Variants in GALNT13 observed in about 807,000 individuals in gnomAD.
GALNT13 encodes the protein polypeptide N-acetylgalactosaminyltransferase 13.
GALNT13 carries 28 observed loss-of-function variants against 64.2 expected under a neutral mutation model. The ratio of observed to expected loss-of-function variants is 0.44; its 90% CI spans 0.32 to 0.60. The LOEUF (loss-of-function observed/expected upper bound fraction) is 0.60. Ranked by LOEUF, GALNT13 falls within the 20% of genes least tolerant of loss-of-function variation. The pLI is 0.05. For synonymous variants in GALNT13, 214 were observed against 224.6 expected (o/e 0.95, Z 0.42); for missense variants, 577 against 669.8 (o/e 0.86, Z 1.53).
At chr2:153,239,944 G>T in the GALNT13 span, among the ~76,000 whole-genome samples, 1 of 152,108 alleles carries the variant, frequency 6.6e-6, no homozygotes, top group Non-Finnish European at 1.5e-5. Flanking sequence ...AAGCCTTCAG[G>T]TCTGTGGCTT....
the GALNT13 span, among the ~76,000 whole-genome samples, chr2:153,103,205 T>G: frequency 1.3e-5 from 2 of 152,220 alleles, no homozygotes; most frequent in African/African-American, 4.8e-5. Flanking sequence ...CACTTGCCAC[T>G]GTCTACCCCA....
At chr2:153,126,333 TATATA>T in the GALNT13 span, among the ~76,000 whole-genome samples, 13 of 48,250 alleles carry the variant, frequency 2.7e-4, no homozygotes, top group African/African-American at 8.0e-4. Context: ...TATATATATA[TATATA>T]TATATATATG....
the GALNT13 span, among the ~76,000 whole-genome samples, chr2:153,233,675 A>G: frequency 6.6e-6 from 1 of 152,122 alleles, no homozygotes; most frequent in African/African-American, 2.4e-5. Flanking sequence ...GGGGCAAATA[A>G]TATATTTACA....
chr2:154,360,279 T>C (rs945061287), intron 9 of GALNT13, among the ~76,000 whole-genome samples: 2 of 152,158 alleles, frequency 1.3e-5, no homozygotes, highest in Admixed American at 6.6e-5. Context: ...TGTTTACTGC[T>C]GTTGCTTACA....
the GALNT13 span, among the ~76,000 whole-genome samples, chr2:153,078,721 A>C: frequency 6.6e-6 from 1 of 152,108 alleles, no homozygotes; most frequent in Non-Finnish European, 1.5e-5. Flanking sequence ...TTCATTAGGA[A>C]GATCTCTAGT....
chr2:153,547,700 G>C, the GALNT13 span, among the ~76,000 whole-genome samples: 1 of 152,134 alleles, frequency 6.6e-6, no homozygotes, highest in Non-Finnish European at 1.5e-5. Flanking sequence ...AAATTATATA[G>C]AGTAGATCTT....
At chr2:153,322,220 G>GT in the GALNT13 span, among the ~76,000 whole-genome samples, 1 of 152,014 alleles carries the variant, frequency 6.6e-6, no homozygotes, top group Non-Finnish European at 1.5e-5. Flanking sequence ...GTGTCCATGA[G>GT]TACCCATTGT....
chr2:154,228,254 C>T (rs1688733602), intron 4 of GALNT13, among the ~76,000 whole-genome samples: 1 of 152,084 alleles, frequency 6.6e-6, no homozygotes, highest in Admixed American at 6.6e-5. Context: ...CAGAGATCTA[C>T]ACTTTTTTTT....
chr2:154,019,137 G>C (rs1164995220), intron 3 of GALNT13, among the ~76,000 whole-genome samples: 1 of 151,784 alleles, frequency 6.6e-6, no homozygotes, highest in Non-Finnish European at 1.5e-5. Context: ...CTCTGCTCTT[G>C]GTTTCCTTGA....
rs910185075 is a variant in GALNT13, at chr2:154,328,032, CTGTT to C, written c.1156+26445_1156+26448del. 5.3e-5 allele frequency among the ~76,000 whole-genome samples: 8 copies of C among 152,112 alleles called. No homozygotes were observed. In the South Asian group the frequency reaches 1.0e-3, roughly 20 times the overall value. On this transcript the variant is annotated intron_variant, in intron 9 of 12. Coordinates refer to ENST00000392825, the MANE Select transcript of GALNT13 (RefSeq NM_052917.4). ...AAAAGGAGCATAGTATATAGCACTT[CTGTT>C]TTTTTATTATAAAAACATTGATATG...
upstream of GALNT13, among the ~76,000 whole-genome samples, chr2:153,867,963 A>C (rs922097412): frequency 1.3e-5 from 2 of 152,130 alleles, no homozygotes; most frequent in Non-Finnish European, 2.9e-5. Flanking sequence ...CCCAGTTCCT[A>C]ACAGGCCATG....
the GALNT13 span, among the ~76,000 whole-genome samples, chr2:153,566,377 C>T: frequency 5.9e-5 from 2 of 34,178 alleles, no homozygotes; most frequent in Non-Finnish European, 9.6e-5. Flanking sequence ...TTTTTTGAGA[C>T]GGAGTCTCGT....
At chr2:153,199,300 A>G in the GALNT13 span, among the ~76,000 whole-genome samples, 24,598 of 152,186 alleles carry the variant, frequency 0.16, 2,105 homozygotes, top group Non-Finnish European at 0.18. Flanking sequence ...TTATGGCTGT[A>G]GGCTACCAAC....
intron 12 of GALNT13, among the ~76,000 whole-genome samples, chr2:154,448,937 T>C (rs707076): frequency 0.99 from 150,000 of 152,096 alleles, 74,003 homozygotes; most frequent in Middle Eastern, 1. Flanking sequence ...AATATATACA[T>C]AAAAGACCAC....
the GALNT13 span, among the ~76,000 whole-genome samples, chr2:153,309,706 C>A: frequency 3.3e-5 from 5 of 152,010 alleles, no homozygotes; most frequent in African/African-American, 4.8e-5. Context: ...TATCCACTCT[C>A]ATTTTTTGAT....
the GALNT13 span, among the ~76,000 whole-genome samples, chr2:153,391,068 T>C: frequency 5.3e-5 from 8 of 152,014 alleles, no homozygotes; most frequent in East Asian, 1.9e-4. Flanking sequence ...CATTCTTTTA[T>C]TGGGGGAAAA....
chr2:153,079,152 A>G, the GALNT13 span, among the ~76,000 whole-genome samples: 1 of 152,144 alleles, frequency 6.6e-6, no homozygotes, highest in South Asian at 2.1e-4. Flanking sequence ...GTGGAGGGGC[A>G]TGGAGGTGCC....
intron 10 of GALNT13, among the ~76,000 whole-genome samples, chr2:154,399,232 C>T (rs1287152712): frequency 1.3e-5 from 2 of 151,996 alleles, no homozygotes; most frequent in African/African-American, 4.8e-5. Context: ...AGCTGAGTAA[C>T]ATAGTGAGAA....
At chr2:153,312,479 A>C in the GALNT13 span, among the ~76,000 whole-genome samples, 4 of 152,198 alleles carry the variant, frequency 2.6e-5, no homozygotes, top group African/African-American at 9.7e-5. Context: ...TGGCTCAAAA[A>C]ACATTTCAGA....
Sources: gnomAD v4.1 joint callset for allele counts (sites outside exome capture counted in the v4.1 genomes callset) on GRCh38, gnomAD v4.1.1 for gene constraint, MANE v1.5 for transcripts, NCBI Gene and HGNC (gene_info 2026-07-23, HGNC 2026-07-21) for gene names.